The following MFNG variants were observed in gnomAD, a reference collection of about 807,000 sequenced individuals.
MFNG encodes the protein MFNG O-fucosylpeptide 3-beta-N-acetylglucosaminyltransferase, also known as beta-1,3-N-acetylglucosaminyltransferase manic fringe.
MFNG carries 24 observed loss-of-function variants against 34.2 expected under a neutral mutation model. The ratio of observed to expected loss-of-function variants is 0.70; its 90% CI spans 0.51 to 0.99. The LOEUF (loss-of-function observed/expected upper bound fraction) is 0.99. Ranked by LOEUF, MFNG falls within the 50% of genes least tolerant of loss-of-function variation. The pLI, the probability that MFNG is intolerant of heterozygous loss-of-function variation, is 0.00. For missense variants in MFNG, 383 were observed against 424.0 expected (o/e 0.90, Z 0.85); for synonymous variants, 158 against 179.2 (o/e 0.88, Z 0.94).
At chr22:37,478,028 G>C (rs9607464) in intron 4 of MFNG, among the ~76,000 whole-genome samples, 23,282 of 152,162 alleles carry the variant, frequency 0.15, 2,644 homozygotes, top group African/African-American at 0.32. Context: ...CTTAGGCAGA[G>C]GTGAGTCGCC....
chr22:37,480,530 C>A (rs1407482288), intron 2 of MFNG, among the ~76,000 whole-genome samples, 191 bp downstream of exon 2: 1 of 152,220 alleles, frequency 6.6e-6, no homozygotes, highest in Non-Finnish European at 1.5e-5. Flanking sequence ...TCCAGCACCG[C>A]TCTTCCCCAT....
At chr22:37,479,230 G>T in intron 4 of MFNG, 115 bp downstream of exon 4, 1 of 1,240,092 alleles carries the variant, frequency 8.1e-7, no homozygotes, top group Non-Finnish European at 1.1e-6. Flanking sequence ...CCCACATAGG[G>T]CCAAACCTGA....
In MFNG at chr22:37,486,181, T is replaced by C. The variant is rs779581899; in HGVS notation, c.-4A>G. On this transcript the variant is annotated 5_prime_UTR_variant, in exon 1 of 8. Coordinates refer to ENST00000356998, the MANE Select transcript of MFNG (RefSeq NM_002405.4). ...CCCGCGGGAGCCGGCACTGCATTGG[T>C]TGGCCCTGGGACCCCAGACAGCTCA... The C allele has an allele frequency of 1.3e-6, 2 of 1,557,400 alleles. No homozygotes were observed. The highest frequency in any genetic ancestry group is 1.7e-6 in the Non-Finnish European group (2 of 1,150,056).
chr22:37,477,308 G>A (rs907808141), intron 4 of MFNG, among the ~76,000 whole-genome samples: 1 of 152,212 alleles, frequency 6.6e-6, no homozygotes, highest in East Asian at 1.9e-4. Context: ...CTCACTCCAT[G>A]TGGCTTGGGA....
At chr22:37,476,658 G>C (rs184091467) in intron 5 of MFNG, among the ~76,000 whole-genome samples, 1 of 152,324 alleles carries the variant, frequency 6.6e-6, no homozygotes, top group African/African-American at 2.4e-5. Context: ...GGGGACTGGG[G>C]CTCTTGGAGA....
chr22:37,479,859 C>T (rs1248247555), intron 3 of MFNG, among the ~76,000 whole-genome samples: 1 of 152,110 alleles, frequency 6.6e-6, no homozygotes, highest in Admixed American at 6.5e-5. Flanking sequence ...CAAAAGTTAG[C>T]CAGGCATGAT....
chr22:37,481,719 C>T (rs1167399547), intron 1 of MFNG, among the ~76,000 whole-genome samples: 1 of 152,214 alleles, frequency 6.6e-6, no homozygotes. Flanking sequence ...TGGGACTGCC[C>T]GGCCCAGGAC....
Position 37,469,873 on chromosome 22 carries a change from C to T in MFNG, c.*90G>A, listed in dbSNP as rs1921727276. 2.7e-6 allele frequency: 3 copies of T among 1,095,510 alleles called. No individual in the cohort carries two copies. Among genetic ancestry groups the T allele is most frequent in the Non-Finnish European group, 4.1e-6 (3 of 730,392 alleles). 67.9% of individuals were successfully genotyped at this position (1,095,510 alleles called of 1,614,324 possible). A position where few individuals can be genotyped will look rare whatever the true frequency, so the allele number is the denominator to read the frequency against. On this transcript the variant is annotated 3_prime_UTR_variant, in exon 8 of 8. Transcript: ENST00000356998. ...AGGCCCTGCCAGGGACTGCCTATCACAAGACACTTGCCAGGGACCCACAGT... is the reference window on the plus strand; with the variant it reads ...AGGCCCTGCCAGGGACTGCCTATCATAAGACACTTGCCAGGGACCCACAGT...
At chr22:37,478,753 A>G (rs577185921) in intron 4 of MFNG, among the ~76,000 whole-genome samples, 4 of 151,556 alleles carry the variant, frequency 2.6e-5, no homozygotes, top group African/African-American at 9.7e-5. Context: ...ATCTCAGCTC[A>G]CTGCAACCTC....
At chr22:37,475,382 C>T (rs756070052) in intron 5 of MFNG, among the ~76,000 whole-genome samples, 1 of 152,076 alleles carries the variant, frequency 6.6e-6, no homozygotes, top group Non-Finnish European at 1.5e-5. Context: ...CGCTGCCATG[C>T]CCGGCTAATC....
Position 37,486,067 on chromosome 22 carries a change from C to G in MFNG, c.111G>C (p.Gly37=). The change falls in exon 1 of 8, where the codon GGG becomes GGC. Residue 37 remains glycine (G), a synonymous_variant. Transcript: ENST00000356998. ...GGTTCGGCTGGCTCAGCTCGGGGGTCCCTTGTACCCGCTGCGGGGACAGGT... is the reference window on the plus strand; with the variant it reads ...GGTTCGGCTGGCTCAGCTCGGGGGTGCCTTGTACCCGCTGCGGGGACAGGT... ...HLNLSPQRVQ[G]TPELSQPNPG... is the part of the protein sequence containing the mutation. 6.2e-7 allele frequency: 1 copy of G among 1,613,700 alleles called. No homozygotes were observed. Among genetic ancestry groups the G allele is most frequent in the Non-Finnish European group, 8.5e-7 (1 of 1,179,906 alleles).
intron 5 of MFNG, among the ~76,000 whole-genome samples, chr22:37,475,607 C>T (rs1039175483): frequency 6.6e-6 from 1 of 152,132 alleles, no homozygotes; most frequent in Non-Finnish European, 1.5e-5. Flanking sequence ...GCCGCGTATA[C>T]CCCATTAATG....
intron 7 of MFNG, 108 bp from the exon 8 acceptor site, chr22:37,470,137 T>G: frequency 2.7e-6 from 2 of 745,710 alleles, no homozygotes; most frequent in Non-Finnish European, 4.6e-6. Flanking sequence ...AGGGTTTCTC[T>G]ACCTCAACAC....
chr22:37,474,759 C>A (rs1245651016), intron 5 of MFNG, 82 bp from the exon 6 acceptor site: 3 of 1,443,588 alleles, frequency 2.1e-6, no homozygotes, highest in African/African-American at 1.4e-5. Context: ...AGGCCCTCCA[C>A]TGGGACAAGC....
At chr22:37,472,601 G>A in intron 6 of MFNG, 73 bp from the exon 7 acceptor site, 1 of 1,371,052 alleles carries the variant, frequency 7.3e-7, no homozygotes, top group Non-Finnish European at 1.0e-6. Context: ...TCCTGGCACA[G>A]GTGGAGGAGG....
At chr22:37,476,358 A>G (rs1008985833) in intron 5 of MFNG, among the ~76,000 whole-genome samples, 1 of 151,732 alleles carries the variant, frequency 6.6e-6, no homozygotes, top group Non-Finnish European at 1.5e-5. Context: ...CACAGGATGT[A>G]CACCCACTGT....
chr22:37,474,161 G>C (rs1477285294), intron 6 of MFNG, among the ~76,000 whole-genome samples: 1 of 152,216 alleles, frequency 6.6e-6, no homozygotes, highest in Non-Finnish European at 1.5e-5. Context: ...AGGAATGTGG[G>C]GAGGATGGAA....
rs569270089 is a variant in MFNG at position 37,486,303 on chromosome 22, G to T, written c.-126C>A. 435 of 1,114,410 alleles carry T rather than the reference G, an allele frequency of 3.9e-4. 1 individual carries two copies. The highest frequency in any genetic ancestry group is 8.8e-4 in the Admixed American group (29 of 32,794). 69.0% of individuals were successfully genotyped at this position (1,114,410 alleles called of 1,614,324 possible). A position where few individuals can be genotyped will look rare whatever the true frequency, so the allele number is the denominator to read the frequency against. On this transcript the variant is annotated 5_prime_UTR_variant, in exon 1 of 8. Coordinates refer to ENST00000356998, the MANE Select transcript of MFNG (RefSeq NM_002405.4). ...CAGGCATCAGGGGCTGGCAAGGAGGGAAGAGGTAGGAGCTGAGGCTCTGGA... is the reference window on the plus strand; with the variant it reads ...CAGGCATCAGGGGCTGGCAAGGAGGTAAGAGGTAGGAGCTGAGGCTCTGGA...
intron 3 of MFNG, 40 bp downstream of exon 3, chr22:37,480,157 C>T: frequency 6.5e-7 from 1 of 1,534,436 alleles, no homozygotes; most frequent in Non-Finnish European, 9.0e-7. Context: ...TTTCACTGGG[C>T]CCAGACCACA....
Sources: allele counts gnomAD v4.1 joint callset (sites outside exome capture counted in the v4.1 genomes callset), GRCh38; gene constraint gnomAD v4.1.1; transcripts MANE v1.5; gene names NCBI Gene and HGNC (gene_info 2026-07-23, HGNC 2026-07-21).